IKZF3: variants seen among roughly 807,000 people sequenced by gnomAD.
The protein encoded by IKZF3 is IKAROS family zinc finger 3.
A neutral mutation model predicts 49.0 loss-of-function variants in IKZF3; 10 were observed. The ratio of observed to expected loss-of-function variants is 0.20; its 90% confidence interval spans 0.13 to 0.35. The LOEUF is 0.35. Ranked by LOEUF, IKZF3 falls within the 10% of genes least tolerant of loss-of-function variation. The pLI, the probability that IKZF3 is intolerant of heterozygous loss-of-function variation, is 1.00. For missense variants in IKZF3, 498 were observed against 664.8 expected, an observed-to-expected ratio of 0.75 and a Z score of 2.76; for synonymous variants, 209 against 228.2, an observed-to-expected ratio of 0.92 and a Z score of 0.76.
chr17:39,765,677 G>A lies in IKZF3; in HGVS notation c.*113C>T. Reference sequence around the variant, plus strand: ...TACCCCTGTGAACACAGCTAAAAATGGTATGAAAAGAAGTTTGGAACTGAG... The same window carrying A: ...TACCCCTGTGAACACAGCTAAAAATAGTATGAAAAGAAGTTTGGAACTGAG... On this transcript the variant is annotated 3_prime_UTR_variant, in exon 8 of 8. Coordinates refer to ENST00000346872, the MANE Select transcript of IKZF3 (RefSeq NM_012481.5). The A allele has an allele frequency of 1.3e-6, 1 of 754,246 alleles. No individual in the cohort carries two copies. Among genetic ancestry groups the A allele is most frequent in the South Asian group, 1.9e-5 (1 of 53,690 alleles). The allele number at this position is 754,246 out of a possible 1,614,324, so 46.7% of individuals were successfully genotyped here.
At chr17:39,835,703 C>T (rs996438038) in intron 1 of IKZF3, 13 of 480,316 alleles carry the variant, frequency 2.7e-5, no homozygotes, top group African/African-American at 7.9e-5. Context: ...GGGACTGGAG[C>T]TCCCAGATCT....
intron 1 of IKZF3, among the ~76,000 whole-genome samples, chr17:39,840,187 T>C (rs1245844721): frequency 2.0e-5 from 3 of 152,242 alleles, no homozygotes; most frequent in Non-Finnish European, 4.4e-5. Flanking sequence ...TTGGGCTATT[T>C]AGAGTGTAAC....
chr17:39,812,859 G>A (rs867721005), intron 3 of IKZF3, among the ~76,000 whole-genome samples: 21 of 152,308 alleles, frequency 1.4e-4, no homozygotes, highest in Middle Eastern at 6.8e-3. Context: ...AGAACTTTGG[G>A]AGGCCGAGGT....
At position 39,764,085 on chromosome 17, in the gene IKZF3, C is replaced by A. The variant is rs1484791353; in HGVS notation, c.*1705G>T. On this transcript the variant is annotated 3_prime_UTR_variant, in exon 8 of 8. Transcript: ENST00000346872. ...GGTCAGGCTGGTCTCGAACTCCTGA[C>A]CTCAAATGATGCGCCTGCCTCGGCT... 6.6e-6 allele frequency: 1 copy of A among 152,310 alleles called. No individual in the cohort carries two copies. Among genetic ancestry groups the A allele is most frequent in the South Asian group, 2.1e-4 (1 of 4,832 alleles). 9.4% of individuals were successfully genotyped at this position (152,310 alleles called of 1,614,324 possible).
Position 39,757,850 on chromosome 17 carries a change from T to G in IKZF3, c.*7940A>C, listed in dbSNP as rs1428545415. The stretch of plus-strand genomic sequence containing the variant: ...CATTGTTACATTTCAGAAGCTGACT[T>G]TCTTTAAACCATCTTTACAGAGGAG... On this transcript the variant is annotated 3_prime_UTR_variant, in exon 8 of 8. Transcript: ENST00000346872. The G allele has an allele frequency of 2.0e-5, 3 of 152,226 alleles. No homozygotes were observed. Among genetic ancestry groups the G allele is most frequent in the African/African-American group, 2.4e-5 (1 of 41,456 alleles). The allele number at this position is 152,226 out of a possible 1,614,324, so 9.4% of individuals were successfully genotyped here. A position where few individuals can be genotyped will look rare whatever the true frequency, so the allele number is the denominator to read the frequency against.
chr17:39,802,000 G>T (rs1450355048), intron 3 of IKZF3, among the ~76,000 whole-genome samples: 1 of 151,970 alleles, frequency 6.6e-6, no homozygotes, highest in East Asian at 1.9e-4. Flanking sequence ...GCTGAGGCAG[G>T]CGGATCACGA....
chr17:39,813,107 AT>A (rs2061599636), intron 3 of IKZF3, among the ~76,000 whole-genome samples: 2 of 90 alleles, frequency 0.022, no homozygotes, highest in South Asian at 0.071. Flanking sequence ...ATCTCAAAAA[AT>A]AAATAAATAA....
chr17:39,828,868 G>T (rs1420149377), intron 3 of IKZF3, among the ~76,000 whole-genome samples: 5 of 152,100 alleles, frequency 3.3e-5, no homozygotes, highest in Non-Finnish European at 7.4e-5. Context: ...GGGCATGGTG[G>T]TGGGCGCCTG....
chr17:39,779,646 G>GT (rs138812490), intron 6 of IKZF3, among the ~76,000 whole-genome samples: 61,266 of 117,896 alleles, frequency 0.52, 15,629 homozygotes, highest in East Asian at 0.67. Context: ...TATATTCTTT[G>GT]TTTTTTGTTT....
intron 3 of IKZF3, among the ~76,000 whole-genome samples, chr17:39,817,932 C>T (rs1185718801): frequency 6.6e-6 from 1 of 152,108 alleles, no homozygotes; most frequent in Non-Finnish European, 1.5e-5. Context: ...CAGTCACATG[C>T]TCCTTAATGA....
At chr17:39,792,086 A>T (rs890260751) in intron 4 of IKZF3, among the ~76,000 whole-genome samples, 3 of 151,882 alleles carry the variant, frequency 2.0e-5, no homozygotes, top group Admixed American at 1.3e-4. Flanking sequence ...TTTGAATATA[A>T]TCTCCTTTGA....
chr17:39,786,765 T>A (rs1039307403), intron 6 of IKZF3, among the ~76,000 whole-genome samples: 2 of 152,112 alleles, frequency 1.3e-5, no homozygotes, highest in African/African-American at 4.8e-5. Context: ...GACCTGTTTG[T>A]TTTTTATAAG....
chr17:39,783,414 C>T (rs545683341), intron 6 of IKZF3, among the ~76,000 whole-genome samples: 13 of 152,226 alleles, frequency 8.5e-5, no homozygotes, highest in East Asian at 1.9e-4. Flanking sequence ...CTCTGCCTCC[C>T]GGGTTCAAGC....
At chr17:39,837,913 A>G (rs751309734) in intron 1 of IKZF3, among the ~76,000 whole-genome samples, 2 of 151,956 alleles carry the variant, frequency 1.3e-5, no homozygotes, top group African/African-American at 2.4e-5. Flanking sequence ...AAGTGCTGGG[A>G]TTACAGGCGT....
chr17:39,761,563 C>CATATATATATATAT lies in IKZF3; in HGVS notation c.*4226_*4227insATATATATATATAT, dbSNP rs769245124. 6 of 150,922 alleles carry CATATATATATATAT rather than the reference C, an allele frequency of 4.0e-5. No individual in the cohort carries two copies. The highest frequency in any genetic ancestry group is 1.5e-4 in the African/African-American group (6 of 40,636). 9.3% of individuals were successfully genotyped at this position (150,922 alleles called of 1,614,324 possible). ...ACCCTGGTCCTCTAAAATATACATACATATATATACATATACAAAAAAAAT... is the reference window on the plus strand; with the variant it reads ...ACCCTGGTCCTCTAAAATATACATACATATATATATATATATATATATACATATACAAAAAAAAT... On this transcript the variant is annotated 3_prime_UTR_variant, in exon 8 of 8. Coordinates refer to ENST00000346872, the MANE Select transcript of IKZF3 (RefSeq NM_012481.5).
chr17:39,763,622 T>C lies in IKZF3; in HGVS notation c.*2168A>G, dbSNP rs890470815. The C allele has an allele frequency of 7.9e-5, 12 of 152,176 alleles. No homozygotes were observed. The highest frequency in any genetic ancestry group is 1.3e-4 in the Non-Finnish European group (9 of 68,036). 9.4% of individuals were successfully genotyped at this position (152,176 alleles called of 1,614,324 possible). The stretch of plus-strand genomic sequence containing the variant: ...CACCTTCTTCACATTCACAACTCAG[T>C]GGTTAAAGGAAAAACTTAACACACC... On this transcript the variant is annotated 3_prime_UTR_variant, in exon 8 of 8. Transcript: ENST00000346872.
At chr17:39,829,320 TC>T in intron 3 of IKZF3, 66 bp downstream of exon 3, 1 of 1,083,580 alleles carries the variant, frequency 9.2e-7, no homozygotes. Flanking sequence ...AGAGCTGATT[TC>T]TTCTCTACAC....
chr17:39,775,204 GAA>G (rs780519229), intron 7 of IKZF3, among the ~76,000 whole-genome samples: 1 of 136,598 alleles, frequency 7.3e-6, no homozygotes. Context: ...CACAACTTAC[GAA>G]AAAAAAAAAA....
At chr17:39,838,532 T>G (rs1013740792) in intron 1 of IKZF3, among the ~76,000 whole-genome samples, 3 of 152,206 alleles carry the variant, frequency 2.0e-5, no homozygotes, top group Non-Finnish European at 4.4e-5. Context: ...TTATATCCTT[T>G]TCATTTTTCT....
Sources: allele counts gnomAD v4.1 joint callset (sites outside exome capture counted in the v4.1 genomes callset), GRCh38; gene constraint gnomAD v4.1.1; transcripts MANE v1.5; gene names NCBI Gene and HGNC (gene_info 2026-07-23, HGNC 2026-07-21).